Variants in C2CD2L observed in about 807,000 individuals in gnomAD.
C2CD2L encodes C2CD2 like.
In C2CD2L, 24 loss-of-function variants were observed where a neutral mutation model predicts 69.9. That is an observed-to-expected ratio of 0.34 (90% confidence interval 0.25 to 0.48). The LOEUF (loss-of-function observed/expected upper bound fraction) is 0.48, where lower values mean the gene tolerates loss of function less well. Among genes scored for constraint, C2CD2L ranks in the 20% least tolerant of loss-of-function variants. The probability of loss-of-function intolerance (pLI) is 0.99; values close to 1 mark genes in which losing one functional copy is unlikely to be tolerated. For missense variants in C2CD2L, 811 were observed against 941.5 expected (o/e 0.86, Z 1.81); for synonymous variants, 367 against 391.0 (o/e 0.94, Z 0.72).
rs1946718602 is a variant in C2CD2L, at chr11:119,110,853, G to A, written c.577G>A (p.Val193Ile). The A allele has an allele frequency of 1.2e-6, 2 of 1,614,076 alleles. No individual in the cohort carries two copies. The highest frequency in any genetic ancestry group is 1.7e-6 in the Non-Finnish European group (2 of 1,179,932). Reference sequence around the variant, plus strand: ...ACTTTGTTCCTGTCTGTAGTTGGAAGTCAACCTGGAGGAAATCCCTGGTGA... The same window carrying A: ...ACTTTGTTCCTGTCTGTAGTTGGAAATCAACCTGGAGGAAATCCCTGGTGA... The part of the protein sequence containing the change: ...TLTLPPTQLE[V>I]NLEEIPGEGL... Residue 193 changes from valine to isoleucine, a missense_variant, in exon 4 of 14, where the codon GTC (valine) becomes ATC (isoleucine). Physicochemically the swap from Val to Ile is conservative, Grantham distance 29. Transcript: ENST00000648610. This position sits in a 1 kb window ranked among gnomAD's most constrained non-coding sequence, Gnocchi z 5.7.
At chr11:119,112,179 G>A (rs1371035391) in intron 7 of C2CD2L, 149 bp from the exon 8 acceptor site, 1 of 686,238 alleles carries the variant, frequency 1.5e-6, no homozygotes, top group Non-Finnish European at 2.5e-6. Flanking sequence ...TGGGACGAGA[G>A]AGAATTTGGA....
At chr11:119,105,822 T>C (rs1946575148), upstream of C2CD2L, among the ~76,000 whole-genome samples, 1 of 152,134 alleles carries the variant, frequency 6.6e-6, no homozygotes, top group East Asian at 1.9e-4. Context: ...CTAGGGGGTC[T>C]GAGGGTTCCT....
upstream of C2CD2L, among the ~76,000 whole-genome samples, chr11:119,104,455 T>C (rs909297943): frequency 6.6e-6 from 1 of 152,180 alleles, no homozygotes; most frequent in African/African-American, 2.4e-5. Context: ...CACATATACA[T>C]GTTACTATCA....
rs1946716968 is a variant in C2CD2L at position 119,110,784 on chromosome 11, T to A, written c.571-63T>A. Reference sequence around the variant, plus strand: ...GATGGAATTCAGGAAGGGAGAGTCCTCGAATTAGGAGTCCTTGGGTAAATG... The same window carrying A: ...GATGGAATTCAGGAAGGGAGAGTCCACGAATTAGGAGTCCTTGGGTAAATG... On this transcript the variant is annotated intron_variant, in intron 3 of 13. Transcript: ENST00000648610. This position sits in a 1 kb window ranked among gnomAD's most constrained non-coding sequence, Gnocchi z 5.7. 1.2e-6 allele frequency: 2 copies of A among 1,605,800 alleles called. No individual in the cohort carries two copies. The highest frequency in any genetic ancestry group is 2.2e-5 in the South Asian group (2 of 90,618).
rs758889752 is a variant in C2CD2L at position 119,116,266 on chromosome 11, T to A, written c.*10T>A. On this transcript the variant is annotated 3_prime_UTR_variant, in exon 14 of 14. Coordinates refer to ENST00000648610, the MANE Select transcript of C2CD2L (RefSeq NM_001290474.2). ...CAGCCCCCAGCTCTGAGGACCCAGC[T>A]CTGAAAGGGCACGAGTTCTCTCAGC... The A allele has an allele frequency of 1.6e-5, 25 of 1,600,500 alleles. 1 individual carries two copies. The Admixed American group carries it at 1.7e-4, about 11-fold the overall frequency.
Position 119,107,849 on chromosome 11 carries a change from C to T in C2CD2L, c.108C>T (p.Gly36=). Residue 36 remains glycine, a synonymous_variant, in exon 1 of 14, where the codon GGC becomes GGT. Coordinates refer to ENST00000648610, the MANE Select transcript of C2CD2L (RefSeq NM_001290474.2). The surrounding 1 kb of genome is among the most constrained non-coding windows in gnomAD (Gnocchi z 5.4). ...VFAWLLQYAR[G]LWLARARGDR... is the part of the protein sequence containing the mutation. ...CCTGGCTGCTGCAATATGCCCGGGGCTTGTGGCTGGCGCGGGCCCGCGGGG... is the reference window on the plus strand; with the variant it reads ...CCTGGCTGCTGCAATATGCCCGGGGTTTGTGGCTGGCGCGGGCCCGCGGGG... The T allele has an allele frequency of 6.5e-7, 1 of 1,542,372 alleles. No individual in the cohort carries two copies. The highest frequency in any genetic ancestry group is 8.7e-7 in the Non-Finnish European group (1 of 1,154,320).
At position 119,113,597 on chromosome 11, in the gene C2CD2L, C is replaced by T; in HGVS notation, c.1388-14C>T. 1 of 1,605,950 alleles carries T rather than the reference C, an allele frequency of 6.2e-7. No individual in the cohort carries two copies. Among genetic ancestry groups the T allele is most frequent in the Non-Finnish European group, 8.5e-7 (1 of 1,175,230 alleles). On this transcript the variant is annotated splice_polypyrimidine_tract_variant and intron_variant, in intron 10 of 13. Coordinates refer to ENST00000648610, the MANE Select transcript of C2CD2L (RefSeq NM_001290474.2). The stretch of plus-strand genomic sequence containing the variant: ...AAGCAACTCCCAGCTCACTGACCCT[C>T]CCCCACCCACCAGACTCCCCCTCCC...
chr11:119,106,213 C>G (rs1183323206), upstream of C2CD2L, among the ~76,000 whole-genome samples: 1 of 152,228 alleles, frequency 6.6e-6, no homozygotes, highest in Admixed American at 6.5e-5. Flanking sequence ...TCTAGCCCTG[C>G]CATCCCACAC....
Position 119,111,645 on chromosome 11 carries a change from G to C in C2CD2L, c.1019+16G>C. The C allele has an allele frequency of 6.4e-7, 1 of 1,554,842 alleles. No homozygotes were observed. Among genetic ancestry groups the C allele is most frequent in the Non-Finnish European group, 8.9e-7 (1 of 1,129,472 alleles). On this transcript the variant is annotated intron_variant, in intron 7 of 13. Coordinates refer to ENST00000648610, the MANE Select transcript of C2CD2L (RefSeq NM_001290474.2). ...ACCTGGCACTGTAAGGAGTAACCCT[G>C]CCCCGACCCCATGCTCCAGAGCAGA...
At chr11:119,115,777 T>G (rs1311079241) in intron 13 of C2CD2L, 5 of 578,132 alleles carry the variant, frequency 8.6e-6, no homozygotes, top group Non-Finnish European at 1.5e-5. Flanking sequence ...GAGTTAAGAT[T>G]GTACACAGAT....
At position 119,107,796 on chromosome 11, in the gene C2CD2L, T is replaced by C. The variant is rs1268421147; in HGVS notation, c.55T>C (p.Phe19Leu). The change falls in exon 1 of 14, where the codon TTC becomes CTC. Residue 19 changes from phenylalanine (F) to leucine (L), a missense_variant. Coordinates refer to ENST00000648610, the MANE Select transcript of C2CD2L (RefSeq NM_001290474.2). The surrounding 1 kb of genome is among the most constrained non-coding windows in gnomAD (Gnocchi z 5.4). ...DVGWAALLIL[F>L]AASLLTVFAW... The stretch of plus-strand genomic sequence containing the variant: ...GGGCTGGGCGGCCTTGCTGATCCTC[T>C]TCGCCGCCTCGCTGCTCACGGTGTT... 1 of 1,550,114 alleles carries C rather than the reference T, an allele frequency of 6.5e-7. No individual in the cohort carries two copies.
rs1946786436 is a variant in C2CD2L, at chr11:119,112,822, T to C, written c.1335T>C (p.Ile445=). 2.5e-6 allele frequency: 4 copies of C among 1,614,084 alleles called. No individual in the cohort carries two copies. The East Asian group carries it at 6.7e-5, about 27-fold the overall frequency. ...LDRTIMPDGT[I]VTTVTTVQSR... The stretch of plus-strand genomic sequence containing the variant: ...GGACCATCATGCCCGATGGCACCAT[T>C]GTCACCACAGTCACCACTGTCCAGT... The change falls in exon 10 of 14, where the codon ATT becomes ATC. Residue 445 remains isoleucine (I), a synonymous_variant. Coordinates refer to ENST00000648610, the MANE Select transcript of C2CD2L (RefSeq NM_001290474.2).
rs1946708654 is a variant in C2CD2L at position 119,110,570 on chromosome 11, T to A, written c.460T>A (p.Cys154Ser). 1 of 1,608,906 alleles carries A rather than the reference T, an allele frequency of 6.2e-7. No homozygotes were observed. The highest frequency in any genetic ancestry group is 8.5e-7 in the Non-Finnish European group (1 of 1,179,140). ...DQSEHTMVLRCQLSAEEVRFP... is the reference protein window; with the variant it reads ...DQSEHTMVLRSQLSAEEVRFP... ...ACCTCGCCGGTCTCAGGTGCTGCGTTGCCAGCTCTCTGCTGAGGAGGTGCG... is the reference window on the plus strand; with the variant it reads ...ACCTCGCCGGTCTCAGGTGCTGCGTAGCCAGCTCTCTGCTGAGGAGGTGCG... Residue 154 changes from cysteine (C) to serine (S), a missense_variant, in exon 3 of 14, where the codon TGC (cysteine) becomes AGC (serine). Physicochemically the swap from Cys to Ser is moderately radical, Grantham distance 112. Coordinates refer to ENST00000648610, the MANE Select transcript of C2CD2L (RefSeq NM_001290474.2). The surrounding 1 kb of genome is among the most constrained non-coding windows in gnomAD (Gnocchi z 5.7).
chr11:119,109,985 CA>C lies in C2CD2L; in HGVS notation c.355-118del. 1 of 749,394 alleles carries C rather than the reference CA, an allele frequency of 1.3e-6. No homozygotes were observed. Among genetic ancestry groups the C allele is most frequent in the Non-Finnish European group, 2.4e-6 (1 of 420,976 alleles). The allele number at this position is 749,394 out of a possible 1,614,324, so 46.4% of individuals were successfully genotyped here. A position where few individuals can be genotyped will look rare whatever the true frequency, so the allele number is the denominator to read the frequency against. On this transcript the variant is annotated intron_variant, in intron 1 of 13. Transcript: ENST00000648610. The surrounding 1 kb of genome is among the most constrained non-coding windows in gnomAD (Gnocchi z 5.1). The stretch of plus-strand genomic sequence containing the variant: ...TTAAAGCCCTGAGCCAAGGAGGGGC[CA>C]GAAGCCAGCCTGCAGCTGAGGCCTC...
chr11:119,117,623 G>A lies in C2CD2L; in HGVS notation c.*1367G>A, dbSNP rs1036256743. 14 of 152,196 alleles carry A rather than the reference G, an allele frequency of 9.2e-5. No homozygotes were observed. Among genetic ancestry groups the A allele is most frequent in the African/African-American group, 2.9e-4 (12 of 41,434 alleles). The allele number at this position is 152,196 out of a possible 1,614,324, so 9.4% of individuals were successfully genotyped here. On this transcript the variant is annotated 3_prime_UTR_variant, in exon 14 of 14. Coordinates refer to ENST00000648610, the MANE Select transcript of C2CD2L (RefSeq NM_001290474.2). Reference sequence around the variant, plus strand: ...TTGCCTCAGAAGAAACTGGGAGGGGGAAGTCTTAGAAGTGTTTCAACATAA... The same window carrying A: ...TTGCCTCAGAAGAAACTGGGAGGGGAAAGTCTTAGAAGTGTTTCAACATAA...
upstream of C2CD2L, among the ~76,000 whole-genome samples, chr11:119,106,486 C>A (rs1278031375): frequency 6.6e-6 from 1 of 152,184 alleles, no homozygotes; most frequent in African/African-American, 2.4e-5. Context: ...GAGGTTGAAT[C>A]AACTCCTTGA....
Position 119,116,208 on chromosome 11 carries a change from C to T in C2CD2L, c.2073C>T (p.Ser691=). ...CTCGCCGCCTTATCAAGCGCTTTTC[C>T]TTCAAATCCAAACCCAAGGCCAATG... ...SFSRRLIKRF[S]FKSKPKANGN... is the part of the protein sequence containing the mutation. The change falls in exon 14 of 14, where the codon TCC becomes TCT. Residue 691 remains serine (S), a synonymous_variant. Transcript: ENST00000648610. 1 of 1,614,266 alleles carries T rather than the reference C, an allele frequency of 6.2e-7. No homozygotes were observed. Among genetic ancestry groups the T allele is most frequent in the Non-Finnish European group, 8.5e-7 (1 of 1,180,046 alleles).
upstream of C2CD2L, among the ~76,000 whole-genome samples, chr11:119,106,376 C>G (rs530969544): frequency 6.6e-6 from 1 of 152,330 alleles, no homozygotes; most frequent in South Asian, 2.1e-4. Flanking sequence ...GAAGAAGGGG[C>G]TCTTGGGAGA....
At position 119,112,484 on chromosome 11, in the gene C2CD2L, G is replaced by T. The variant is rs752031053; in HGVS notation, c.1087G>T (p.Glu363Ter). The change falls in exon 9 of 14, where the codon GAA becomes TAA. Residue 363 changes from glutamate to a stop codon, truncating the protein, a stop_gained and splice_region_variant. Coordinates refer to ENST00000648610, the MANE Select transcript of C2CD2L (RefSeq NM_001290474.2). LOFTEE classifies it high-confidence loss of function. The stretch of plus-strand genomic sequence containing the variant: ...CACAGTGCCATCCCTTTCCCCAGCC[G>T]AACTCCTAGGCCAGGCCACACTGCC... ...VLRSSSCGDT[E>*]LLGQATLPVG... The T allele has an allele frequency of 6.2e-7, 1 of 1,613,782 alleles. No individual in the cohort carries two copies. Among genetic ancestry groups the T allele is most frequent in the Admixed American group, 1.7e-5 (1 of 59,996 alleles).
Sources: gnomAD v4.1 joint callset for allele counts (sites outside exome capture counted in the v4.1 genomes callset) on GRCh38, gnomAD v4.1.1 for gene constraint, Gnocchi (gnomAD v3.1) non-coding constraint, MANE v1.5 for transcripts, NCBI Gene and HGNC (gene_info 2026-07-23, HGNC 2026-07-21) for gene names.